The following SPRTN variants were observed in gnomAD, a reference collection of about 807,000 sequenced individuals.
The protein encoded by SPRTN is SprT-like N-terminal domain, also known as DNA-dependent metalloprotease SPRTN.
A neutral mutation model predicts 31.9 loss-of-function variants in SPRTN; 11 were observed. The observed-to-expected ratio is 0.34, with a 90% CI of 0.22 to 0.57. SPRTN has a LOEUF of 0.57. SPRTN is among the 20% of genes least tolerant of loss of function. The pLI is 0.86. For synonymous variants in SPRTN, 185 were observed against 212.1 expected (o/e 0.87, Z 1.11); for missense variants, 482 against 590.1 (o/e 0.82, Z 1.90).
At chr1:231,340,985 TG>T (rs1558361566) in intron 2 of SPRTN, among the ~76,000 whole-genome samples, 2 of 152,112 alleles carry the variant, frequency 1.3e-5, no homozygotes, top group African/African-American at 4.8e-5. Flanking sequence ...ATGGGTAAGT[TG>T]GGGAATTTTG....
At position 231,351,516 on chromosome 1, in the gene SPRTN, A is replaced by C; in HGVS notation, c.663A>C (p.Lys221Asn). 6.2e-7 allele frequency: 1 copy of C among 1,614,230 alleles called. No homozygotes were observed. Among genetic ancestry groups the C allele is most frequent in the South Asian group, 1.1e-5 (1 of 91,080 alleles). ...AGGAACCAGAGAATTACTCAAAAAA[A>C]GGCAAAGGAAAGGCAAAACTAGGAA... ...KIKEPENYSK[K>N]GKGKAKLGKE... is the part of the protein sequence containing the mutation. Residue 221 changes from lysine to asparagine, a missense_variant, in exon 4 of 5, where the codon AAA becomes AAC. Transcript: ENST00000295050.
In SPRTN at chr1:231,351,443, G is replaced by T. The variant is rs778819482; in HGVS notation, c.590G>T (p.Trp197Leu). The T allele has an allele frequency of 6.2e-7, 1 of 1,614,016 alleles. No individual in the cohort carries two copies. Among genetic ancestry groups the T allele is most frequent in the East Asian group, 2.2e-5 (1 of 44,870 alleles). ...AGGGAACCCTCTGCTCATGACTATT[G>T]GTGGGCTGAGCACCAGAAAACCTGT... ...TNREPSAHDY[W>L]WAEHQKTCGG... Residue 197 changes from tryptophan to leucine, a missense_variant, in exon 4 of 5, where the codon TGG (tryptophan) becomes TTG (leucine). By Grantham distance (61) the Trp-to-Leu change is moderately conservative. This residue lies in a region of SPRTN where 325 missense variants were observed against 350.2 expected (regional missense o/e 0.93). Coordinates refer to ENST00000295050, the MANE Select transcript of SPRTN (RefSeq NM_032018.7).
At chr1:231,352,492 G>C in intron 4 of SPRTN, 118 bp from the exon 5 acceptor site, 1 of 1,470,716 alleles carries the variant, frequency 6.8e-7, no homozygotes, top group Non-Finnish European at 9.0e-7. Flanking sequence ...ATGGATGTAA[G>C]ATGGAATAAA....
intron 2 of SPRTN, among the ~76,000 whole-genome samples, chr1:231,346,459 GT>G (rs1687067558): frequency 6.6e-6 from 1 of 151,326 alleles, no homozygotes; most frequent in East Asian, 1.9e-4. Context: ...GAAGTTGGGC[GT>G]TTTTTCATTT....
rs1686788866 is a variant in SPRTN at position 231,339,294 on chromosome 1, T to A, written c.222-475T>A. ...CCTTTATACAGGCGTCTGTTATGAT[T>A]TTGGAGATATGCTACTGGAGATATC... is the stretch of plus-strand genomic sequence containing the variant. On this transcript the variant is annotated intron_variant, in intron 1 of 4. Transcript: ENST00000295050. The A allele has an allele frequency of 1.0e-5, 3 of 287,538 alleles. No homozygotes were observed. The South Asian group carries it at 1.3e-4, about 13-fold the overall frequency. 17.8% of individuals were successfully genotyped at this position (287,538 alleles called of 1,614,324 possible).
At chr1:231,338,808 G>C (rs949486660) in intron 1 of SPRTN, among the ~76,000 whole-genome samples, 1 of 152,186 alleles carries the variant, frequency 6.6e-6, no homozygotes, top group Non-Finnish European at 1.5e-5. Flanking sequence ...AGAAAGCTGT[G>C]TAGACCACAC....
At chr1:231,343,073 T>C (rs1686946758) in intron 2 of SPRTN, among the ~76,000 whole-genome samples, 1 of 152,170 alleles carries the variant, frequency 6.6e-6, no homozygotes, top group African/African-American at 2.4e-5. Context: ...TTCTTCTTTA[T>C]ATTTAGTTGC....
At chr1:231,339,032 TTTAG>T (rs1250854173) in intron 1 of SPRTN, among the ~76,000 whole-genome samples, 3 of 152,210 alleles carry the variant, frequency 2.0e-5, no homozygotes, top group Non-Finnish European at 2.9e-5. Context: ...GGAAACCCAC[TTTAG>T]TTAGCTCGTG....
intron 2 of SPRTN, among the ~76,000 whole-genome samples, chr1:231,345,682 C>T (rs1471565950): frequency 1.3e-5 from 2 of 152,200 alleles, no homozygotes; most frequent in Non-Finnish European, 2.9e-5. Context: ...ACCAAATTTT[C>T]CATAGGAGAA....
Position 231,347,796 on chromosome 1 carries a change from G to T in SPRTN, c.322-1G>T. The stretch of plus-strand genomic sequence containing the variant: ...ACTAATTTGAATATTTTATGTTCCA[G>T]ACCCTCCTGCATGAAATGATACATG... On this transcript the variant is annotated splice_acceptor_variant, in intron 2 of 4. Transcript: ENST00000295050. LOFTEE classifies it high-confidence loss of function. The T allele has an allele frequency of 1.2e-6, 2 of 1,606,090 alleles. No individual in the cohort carries two copies. The highest frequency in any genetic ancestry group is 1.7e-6 in the Non-Finnish European group (2 of 1,178,090).
chr1:231,339,919 T>C, intron 2 of SPRTN, 51 bp downstream of exon 2: 1 of 1,547,442 alleles, frequency 6.5e-7, no homozygotes, highest in Non-Finnish European at 8.9e-7. Context: ...CAAATACTTG[T>C]CAATGATTTA....
intron 2 of SPRTN, among the ~76,000 whole-genome samples, chr1:231,342,908 G>A (rs759066725): frequency 6.6e-6 from 1 of 151,422 alleles, no homozygotes; most frequent in Non-Finnish European, 1.5e-5. Flanking sequence ...CCAATTTTTT[G>A]TATTTTTTTT....
chr1:231,344,170 A>C (rs1373736156), intron 2 of SPRTN, among the ~76,000 whole-genome samples: 1 of 152,188 alleles, frequency 6.6e-6, no homozygotes, highest in Non-Finnish European at 1.5e-5. Flanking sequence ...TAGAACATTG[A>C]GAAACTTTTG....
Position 231,353,162 on chromosome 1 carries a change from A to G in SPRTN, c.1271A>G (p.Lys424Arg), listed in dbSNP as rs200999774. 208 of 1,612,126 alleles carry G rather than the reference A, an allele frequency of 1.3e-4. No homozygotes were observed. In the East Asian group the frequency reaches 2.7e-3, roughly 21 times the overall value. The stretch of plus-strand genomic sequence containing the variant: ...GTTTTTGACAATTTTTTTATCAAGA[A>G]AGAGCAAATAAAAAGCAGTGGTAAT... ...KTVFDNFFIK[K>R]EQIKSSGNDP... Residue 424 changes from lysine (K) to arginine (R), a missense_variant, in exon 5 of 5, where the codon AAA (lysine) becomes AGA (arginine). Physicochemically the swap from Lys to Arg is conservative, Grantham distance 26 (BLOSUM62 2). This residue lies in a region of SPRTN where 325 missense variants were observed against 350.2 expected (regional missense o/e 0.93). Coordinates refer to ENST00000295050, the MANE Select transcript of SPRTN (RefSeq NM_032018.7).
At chr1:231,340,045 AG>A in intron 2 of SPRTN, 177 bp downstream of exon 2, 3 of 440,540 alleles carry the variant, frequency 6.8e-6, no homozygotes, top group East Asian at 4.1e-5. Flanking sequence ...AGTGCTTCAT[AG>A]TAAAAAAAAA....
intron 4 of SPRTN, 97 bp from the exon 5 acceptor site, chr1:231,352,513 T>C: frequency 6.7e-7 from 1 of 1,495,998 alleles, no homozygotes; most frequent in Non-Finnish European, 8.9e-7. Flanking sequence ...ATACTAGTTC[T>C]TCATTTTGAG....
chr1:231,353,896 A>G lies in SPRTN; in HGVS notation c.*535A>G, dbSNP rs1413228166. On this transcript the variant is annotated 3_prime_UTR_variant, in exon 5 of 5. Coordinates refer to ENST00000295050, the MANE Select transcript of SPRTN (RefSeq NM_032018.7). ...TTTGCAAAATCTTAACAGGAACTGTATTTTCTATATTTTAAAGAATTTTAT... is the reference window on the plus strand; with the variant it reads ...TTTGCAAAATCTTAACAGGAACTGTGTTTTCTATATTTTAAAGAATTTTAT... 3 of 944,146 alleles carry G rather than the reference A, an allele frequency of 3.2e-6. No homozygotes were observed. Among genetic ancestry groups the G allele is most frequent in the Non-Finnish European group, 3.8e-6 (3 of 792,392 alleles). 58.5% of individuals were successfully genotyped at this position (944,146 alleles called of 1,614,324 possible).
rs1687268904 is a variant in SPRTN, at chr1:231,352,514, T to G, written c.719-96T>G. 2.0e-6 allele frequency: 3 copies of G among 1,495,626 alleles called. No homozygotes were observed. The African/African-American group carries it at 4.2e-5, about 21-fold the overall frequency. The allele number at this position is 1,495,626 out of a possible 1,614,324, so 92.6% of individuals were successfully genotyped here. On this transcript the variant is annotated intron_variant, in intron 4 of 4. Transcript: ENST00000295050. ...TAAGATGGAATAAAATACTAGTTCT[T>G]CATTTTGAGAAAACTGTACATTAGT...
At position 231,353,710 on chromosome 1, in the gene SPRTN, A is replaced by G; in HGVS notation, c.*349A>G. On this transcript the variant is annotated 3_prime_UTR_variant, in exon 5 of 5. Transcript: ENST00000295050. ...AAATATTCATATGGGGAATCCTGTC[A>G]GGTGTTTGGTTATATTGACTATTTA... 3 of 991,640 alleles carry G rather than the reference A, an allele frequency of 3.0e-6. No homozygotes were observed. Among genetic ancestry groups the G allele is most frequent in the Non-Finnish European group, 3.6e-6 (3 of 829,132 alleles). The allele number at this position is 991,640 out of a possible 1,614,324, so 61.4% of individuals were successfully genotyped here. A position where few individuals can be genotyped will look rare whatever the true frequency, so the allele number is the denominator to read the frequency against.
Sources: gnomAD v4.1 joint callset for allele counts (sites outside exome capture counted in the v4.1 genomes callset) on GRCh38, gnomAD v4.1.1 for gene constraint, gnomAD v4.1.1 regional missense constraint, MANE v1.5 for transcripts, NCBI Gene and HGNC (gene_info 2026-07-23, HGNC 2026-07-21) for gene names.